The following SFXN4 variants were observed in gnomAD, a reference collection of about 807,000 sequenced individuals.
The protein encoded by SFXN4 is sideroflexin-4.
A neutral mutation model predicts 54.6 loss-of-function variants in SFXN4; 48 were observed. The ratio of observed to expected loss-of-function variants is 0.88; its 90% CI spans 0.70 to 1.12. SFXN4 has a LOEUF of 1.12. Ranked by LOEUF, SFXN4 falls within the 50% of genes most tolerant of loss-of-function variation. The probability of loss-of-function intolerance (pLI) is 0.00; values close to 1 mark genes in which losing one functional copy is unlikely to be tolerated. For missense variants in SFXN4, 383 were observed against 409.2 expected, an observed-to-expected ratio of 0.94 and a Z score of 0.55; for synonymous variants, 130 against 145.5, an observed-to-expected ratio of 0.89 and a Z score of 0.77.
In SFXN4 at chr10:119,161,045, T is replaced by C. The variant is rs1847509288; in HGVS notation, c.279+10A>G. 1 of 1,613,998 alleles carries C rather than the reference T, an allele frequency of 6.2e-7. No individual in the cohort carries two copies. Among genetic ancestry groups the C allele is most frequent in the Admixed American group, 1.7e-5 (1 of 60,002 alleles). ...AGGACACTAAAAATTAGGAAGGGGC[T>C]GAAACTTACAAGACTCCGCTTCCAA... On this transcript the variant is annotated intron_variant, in intron 4 of 13. Transcript: ENST00000355697.
At chr10:119,165,415 G>A (rs2275126) in intron 1 of SFXN4, 122 bp downstream of exon 1, 1 of 1,338,464 alleles carries the variant, frequency 7.5e-7, no homozygotes, top group Admixed American at 4.2e-5. Context: ...ACAACTCCGA[G>A]AGGAGGAAAC....
intron 5 of SFXN4, 151 bp downstream of exon 5, chr10:119,160,764 A>C: frequency 1.3e-6 from 1 of 750,156 alleles, no homozygotes; most frequent in Non-Finnish European, 2.2e-6. Flanking sequence ...ATGCCCAACT[A>C]ATTTTTTACA....
intron 13 of SFXN4, 117 bp downstream of exon 13, chr10:119,146,119 C>A (rs1564814186): frequency 3.0e-5 from 19 of 636,652 alleles, no homozygotes; most frequent in Non-Finnish European, 4.4e-5. Flanking sequence ...AGCCACTGCA[C>A]CTGGTCTTAT....
At chr10:119,153,996 G>A (rs1385177996) in intron 11 of SFXN4, among the ~76,000 whole-genome samples, 17 of 151,986 alleles carry the variant, frequency 1.1e-4, no homozygotes, top group Admixed American at 9.8e-4. Flanking sequence ...TGGCCAATAC[G>A]GTGAAACCCC....
chr10:119,154,038 C>T (rs1334382668), intron 11 of SFXN4, among the ~76,000 whole-genome samples: 10 of 151,894 alleles, frequency 6.6e-5, no homozygotes, highest in Non-Finnish European at 1.5e-4. Flanking sequence ...ATTGGCTGGG[C>T]GTGGTGGTAC....
intron 11 of SFXN4, among the ~76,000 whole-genome samples, chr10:119,148,203 T>C (rs767754105): frequency 1.3e-5 from 2 of 151,854 alleles, no homozygotes; most frequent in East Asian, 1.9e-4. Flanking sequence ...AGCAAGACGA[T>C]TTCCAGGGAT....
In SFXN4 at chr10:119,145,417, C is replaced by A. The variant is rs575486065; in HGVS notation, c.936+819G>T. Among the ~76,000 whole-genome samples the A allele has an allele frequency of 3.3e-5, 5 of 150,826 alleles. No homozygotes were observed. In the East Asian group the frequency reaches 7.9e-4, roughly 24 times the overall value. On this transcript the variant is annotated intron_variant, in intron 13 of 13. Coordinates refer to ENST00000355697, the MANE Select transcript of SFXN4 (RefSeq NM_213649.2). ...CAACCTCTACCTCCCCAGGTTCAAG[C>A]GATTCTCCTGCCTCAGCCTCCCGAG...
At chr10:119,156,538 G>T in intron 10 of SFXN4, 140 bp downstream of exon 10, 2 of 684,738 alleles carry the variant, frequency 2.9e-6, no homozygotes. Context: ...ATTTGGGCTT[G>T]GGGGCCTGCC....
intron 11 of SFXN4, among the ~76,000 whole-genome samples, chr10:119,151,967 G>A (rs917338588): frequency 1.3e-5 from 2 of 151,712 alleles, no homozygotes; most frequent in South Asian, 2.1e-4. Context: ...GATGCACCCC[G>A]CCATGCCTAG....
In SFXN4 at chr10:119,157,879, T is replaced by C; in HGVS notation, c.463A>G (p.Arg155Gly). Residue 155 changes from arginine to glycine, a missense_variant, in exon 8 of 14, where the codon AGA (arginine) becomes GGA (glycine). Arg to Gly is a moderately radical substitution (Grantham distance 125). Coordinates refer to ENST00000355697, the MANE Select transcript of SFXN4 (RefSeq NM_213649.2). Reference sequence around the variant, plus strand: ...GGTCTCATAATACTCACGTAACTTCTGTTTCCATTGATGCTGTTGAACGCT... The same window carrying C: ...GGTCTCATAATACTCACGTAACTTCCGTTTCCATTGATGCTGTTGAACGCT... Reference protein sequence around the residue: ...MAAFNSINGNRSYTCKPLERS... With the variant: ...MAAFNSINGNGSYTCKPLERS... 6.2e-7 allele frequency: 1 copy of C among 1,614,236 alleles called. No individual in the cohort carries two copies. Among genetic ancestry groups the C allele is most frequent in the African/African-American group, 1.3e-5 (1 of 75,066 alleles).
rs573311460 is a variant in SFXN4 at position 119,142,726 on chromosome 10, ATTTTTTTTT to A, written c.937-1416_937-1408del. ...CCACCACGTCCAGCTAATGTTTTGA[ATTTTTTTTT>A]TTTTTTTTTTTTTTGATATGGAGTC... On this transcript the variant is annotated intron_variant, in intron 13 of 13. Coordinates refer to ENST00000355697, the MANE Select transcript of SFXN4 (RefSeq NM_213649.2). 7.7e-5 allele frequency among the ~76,000 whole-genome samples: 6 copies of A among 77,446 alleles called. 1 individual carries two copies. The highest frequency in any genetic ancestry group is 2.1e-4 in the African/African-American group (4 of 19,436). The allele number at this position is 77,446 out of a possible 152,430, so 50.8% of individuals were successfully genotyped here.
intron 2 of SFXN4, among the ~76,000 whole-genome samples, chr10:119,162,764 C>A (rs1031683714): frequency 3.5e-5 from 5 of 143,958 alleles, no homozygotes; most frequent in African/African-American, 1.2e-4. Flanking sequence ...CTTATCAGTT[C>A]AGTCTTATTT....
At chr10:119,164,096 A>G (rs1244633605) in intron 2 of SFXN4, 35 bp downstream of exon 2, 1 of 1,254,484 alleles carries the variant, frequency 8.0e-7, no homozygotes, top group Non-Finnish European at 1.1e-6. Flanking sequence ...TCAAAATAAA[A>G]TGTGAAATTC....
At chr10:119,158,615 CA>C (rs35982987) in intron 6 of SFXN4, among the ~76,000 whole-genome samples, 666 of 65,694 alleles carry the variant, frequency 0.01, 1 homozygote, top group African/African-American at 0.04. Context: ...GACTCCGTCT[CA>C]AAAAAAAAAA....
At chr10:119,149,159 T>C (rs1846946047) in intron 11 of SFXN4, among the ~76,000 whole-genome samples, 2 of 152,126 alleles carry the variant, frequency 1.3e-5, no homozygotes. Context: ...GTAGCTAACA[T>C]GTTAACTTTA....
At chr10:119,146,897 T>G (rs2133576326) in intron 12 of SFXN4, among the ~76,000 whole-genome samples, 1 of 152,230 alleles carries the variant, frequency 6.6e-6, no homozygotes, top group South Asian at 2.1e-4. Flanking sequence ...GTGCTCCATG[T>G]GTGGTCCTAG....
At chr10:119,161,424 CAACAAAAAAAAACAAA>C (rs1256792403) in intron 3 of SFXN4, among the ~76,000 whole-genome samples, 3 of 50,288 alleles carry the variant, frequency 6.0e-5, no homozygotes, top group Admixed American at 2.3e-4. Flanking sequence ...ACAACAACAA[CAACAAAAAAAAACAAA>C]AAAAAAAAAA....
In SFXN4 at chr10:119,155,105, T is replaced by A; in HGVS notation, c.689A>T (p.Lys230Met). ...ESIKGIAVMD[K>M]EGNVLGHSRI... ...GGAATGACCCAGGACATTGCCTTCC[T>A]TGTCCATGACCGCAATCCCCTTAAT... Residue 230 changes from lysine (K) to methionine (M), a missense_variant, in exon 11 of 14, where the codon AAG becomes ATG. Physicochemically the swap from Lys to Met is moderately conservative, Grantham distance 95 (BLOSUM62 -1). Coordinates refer to ENST00000355697, the MANE Select transcript of SFXN4 (RefSeq NM_213649.2). The A allele has an allele frequency of 5.0e-6, 8 of 1,614,196 alleles. No individual in the cohort carries two copies. The highest frequency in any genetic ancestry group is 5.9e-6 in the Non-Finnish European group (7 of 1,180,008).
At chr10:119,146,208 G>A (rs764249172) in intron 13 of SFXN4, 28 bp downstream of exon 13, 12 of 1,226,602 alleles carry the variant, frequency 9.8e-6, no homozygotes, top group Non-Finnish European at 1.3e-5. Flanking sequence ...AAAAAACTTT[G>A]AGAGAAAAGA....
Sources: allele counts gnomAD v4.1 joint callset (sites outside exome capture counted in the v4.1 genomes callset), GRCh38; gene constraint gnomAD v4.1.1; transcripts MANE v1.5; gene names NCBI Gene and HGNC (gene_info 2026-07-23, HGNC 2026-07-21).